Variants in TNFAIP8L3 observed in about 807,000 individuals in gnomAD.
TNFAIP8L3 encodes tumor necrosis factor alpha-induced protein 8-like protein 3.
A neutral mutation model predicts 11.8 loss-of-function variants in TNFAIP8L3; 7 were observed. The ratio of observed to expected loss-of-function variants is 0.59; its 90% CI spans 0.34 to 1.11. TNFAIP8L3 has a LOEUF of 1.11. Among genes scored for constraint, TNFAIP8L3 ranks in the 50% most tolerant of loss-of-function variants. The probability of loss-of-function intolerance (pLI) is 0.03; values close to 1 mark genes in which losing one functional copy is unlikely to be tolerated. For synonymous variants in TNFAIP8L3, 98 were observed against 103.8 expected (o/e 0.94, Z 0.34); for missense variants, 219 against 258.6 (o/e 0.85, Z 1.05).
chr15:51,077,727 C>T (rs1324037407), intron 1 of TNFAIP8L3, among the ~76,000 whole-genome samples: 1 of 152,240 alleles, frequency 6.6e-6, no homozygotes, highest in Non-Finnish European at 1.5e-5. Flanking sequence ...CCGACAGCTT[C>T]TCGCTTAATA....
Position 51,094,724 on chromosome 15 carries a change from G to A in TNFAIP8L3, c.-129C>T. On this transcript the variant is annotated 5_prime_UTR_variant, in exon 1 of 2. Transcript: ENST00000637513. This position sits in a 1 kb window ranked among gnomAD's most constrained non-coding sequence, Gnocchi z 4.4. ...GCGGCGCGGGCGGCGCGGGCTGGGCGGTGCGCGGCGGCAGCGGCCAGGGGG... is the reference window on the plus strand; with the variant it reads ...GCGGCGCGGGCGGCGCGGGCTGGGCAGTGCGCGGCGGCAGCGGCCAGGGGG... 1 of 985,484 alleles carries A rather than the reference G, an allele frequency of 1.0e-6. No individual in the cohort carries two copies. Among genetic ancestry groups the A allele is most frequent in the South Asian group, 4.5e-5 (1 of 22,078 alleles). The allele number at this position is 985,484 out of a possible 1,614,324, so 61.0% of individuals were successfully genotyped here. A position where few individuals can be genotyped will look rare whatever the true frequency, so the allele number is the denominator to read the frequency against.
At chr15:51,066,686 A>G (rs568365323) in intron 1 of TNFAIP8L3, among the ~76,000 whole-genome samples, 3 of 152,270 alleles carry the variant, frequency 2.0e-5, no homozygotes, top group South Asian at 4.2e-4. Context: ...GCGTGGTGGT[A>G]TGCAGGATGG....
At chr15:51,086,777 G>T (rs879321792) in intron 1 of TNFAIP8L3, among the ~76,000 whole-genome samples, 10 of 152,134 alleles carry the variant, frequency 6.6e-5, no homozygotes, top group Non-Finnish European at 1.5e-4. Context: ...ATTAATATAG[G>T]ATAAATAAAA....
rs188640550 is a variant in TNFAIP8L3 at position 51,103,183 on chromosome 15, G to A, written c.172+1822C>T. On this transcript the variant is annotated intron_variant, in intron 1 of 2. Coordinates refer to the TNFAIP8L3 transcript ENST00000327536. ...GTTCAAAGCAATCTGCCTGGTTGAA[G>A]CTATCAACCCTTCTAAAAGAGGAAT... 3.7e-3 allele frequency among the ~76,000 whole-genome samples: 556 copies of A among 152,278 alleles called. 14 individuals are homozygous for A. Among genetic ancestry groups the A allele is most frequent in the East Asian group, 3.9e-3 (20 of 5,180 alleles).
At chr15:51,104,492 A>C (rs1425530148) in intron 1 of TNFAIP8L3, among the ~76,000 whole-genome samples, 2 of 152,328 alleles carry the variant, frequency 1.3e-5, no homozygotes, top group African/African-American at 4.8e-5. Context: ...CATGTCCTGC[A>C]TCTGCGCCAT....
At chr15:51,078,994 C>G (rs1334135381) in intron 1 of TNFAIP8L3, among the ~76,000 whole-genome samples, 1 of 152,160 alleles carries the variant, frequency 6.6e-6, no homozygotes. Context: ...CAGCAGGCTT[C>G]GATGATGCTG....
At chr15:51,058,888 A>G (rs1212903248) in intron 1 of TNFAIP8L3, among the ~76,000 whole-genome samples, 1 of 152,254 alleles carries the variant, frequency 6.6e-6, no homozygotes, top group African/African-American at 2.4e-5. Context: ...CCCAGGGCAG[A>G]CATGGATAGT....
chr15:51,092,194 C>G (rs868834345), intron 1 of TNFAIP8L3, among the ~76,000 whole-genome samples: 7 of 152,224 alleles, frequency 4.6e-5, no homozygotes, highest in Non-Finnish European at 4.4e-5. Context: ...CCTTATGTCT[C>G]AACTCCCTGT....
In TNFAIP8L3 at chr15:51,085,431, G is replaced by C. The variant is rs546597895; in HGVS notation, c.52+9113C>G. Among the ~76,000 whole-genome samples the C allele has an allele frequency of 2.6e-5, 4 of 152,304 alleles. No homozygotes were observed. In the South Asian group the frequency reaches 8.3e-4, roughly 32 times the overall value. On this transcript the variant is annotated intron_variant, in intron 1 of 1. Coordinates refer to ENST00000637513, the MANE Select transcript of TNFAIP8L3 (RefSeq NM_001311175.2). Reference sequence around the variant, plus strand: ...GAGAAGTGGGCCTGACCCAAGGGAAGGAGGCCCCTGGGCAACGTGCTAGCG... The same window carrying C: ...GAGAAGTGGGCCTGACCCAAGGGAACGAGGCCCCTGGGCAACGTGCTAGCG...
chr15:51,095,377 AG>A (rs2065507160), upstream of TNFAIP8L3, among the ~76,000 whole-genome samples: 1 of 152,136 alleles, frequency 6.6e-6, no homozygotes, highest in African/African-American at 2.4e-5. Flanking sequence ...CTAGTGACGA[AG>A]TAAACACACA....
At chr15:51,101,024 G>A (rs187364729) in intron 1 of TNFAIP8L3, among the ~76,000 whole-genome samples, 8 of 152,360 alleles carry the variant, frequency 5.3e-5, no homozygotes, top group African/African-American at 1.9e-4. Context: ...ACTGGCAGAA[G>A]ATGGGCAGGT....
intron 1 of TNFAIP8L3, among the ~76,000 whole-genome samples, chr15:51,065,396 G>T (rs1197926581): frequency 6.6e-6 from 1 of 152,184 alleles, no homozygotes; most frequent in Non-Finnish European, 1.5e-5. Flanking sequence ...ATGATGTTCA[G>T]CCAGAGTACA....
At chr15:51,101,717 TG>T in intron 1 of TNFAIP8L3, among the ~76,000 whole-genome samples, 1 of 150,572 alleles carries the variant, frequency 6.6e-6, no homozygotes, top group African/African-American at 2.4e-5. Flanking sequence ...GAGGCCAAGG[TG>T]GGCGGATCAT....
chr15:51,094,611 C>G lies in TNFAIP8L3; in HGVS notation c.-16G>C, dbSNP rs755016536. On this transcript the variant is annotated 5_prime_UTR_variant, in exon 1 of 2. Coordinates refer to ENST00000637513, the MANE Select transcript of TNFAIP8L3 (RefSeq NM_001311175.2). This position sits in a 1 kb window ranked among gnomAD's most constrained non-coding sequence, Gnocchi z 4.4. ...CCGAATCCATGCTGCGGGCTGCTGG[C>G]TGGGCGTCCACGGCCACCCGCCCGT... 1.6e-5 allele frequency: 23 copies of G among 1,469,900 alleles called. No individual in the cohort carries two copies. Among genetic ancestry groups the G allele is most frequent in the Non-Finnish European group, 1.9e-5 (21 of 1,113,826 alleles). The allele number at this position is 1,469,900 out of a possible 1,614,324, so 91.1% of individuals were successfully genotyped here. A position where few individuals can be genotyped will look rare whatever the true frequency, so the allele number is the denominator to read the frequency against.
intron 1 of TNFAIP8L3, among the ~76,000 whole-genome samples, chr15:51,071,417 AT>A (rs138284679): frequency 4.6e-4 from 70 of 151,162 alleles, no homozygotes; most frequent in Admixed American, 9.9e-4. Context: ...CAGAAGTTGT[AT>A]TTTTTTTTCA....
At chr15:51,095,058 T>C (rs1471519518), upstream of TNFAIP8L3, among the ~76,000 whole-genome samples, 5 of 152,214 alleles carry the variant, frequency 3.3e-5, no homozygotes, top group Non-Finnish European at 4.4e-5. Context: ...GAGGCCAAGT[T>C]TGTAAAATTA....
intron 1 of TNFAIP8L3, among the ~76,000 whole-genome samples, chr15:51,084,273 T>C (rs1187173575): frequency 6.6e-6 from 1 of 152,216 alleles, no homozygotes; most frequent in Non-Finnish European, 1.5e-5. Flanking sequence ...TCTTTGACAA[T>C]GTTATAATGT....
intron 1 of TNFAIP8L3, among the ~76,000 whole-genome samples, chr15:51,061,464 G>C (rs866948662): frequency 9.9e-5 from 15 of 152,232 alleles, no homozygotes; most frequent in Middle Eastern, 3.4e-3. Context: ...TTTTAAATGT[G>C]TCCAATGTAA....
chr15:51,081,709 G>A (rs2065393595), intron 1 of TNFAIP8L3, among the ~76,000 whole-genome samples: 1 of 152,312 alleles, frequency 6.6e-6, no homozygotes, highest in East Asian at 1.9e-4. Flanking sequence ...GTGGAAACAG[G>A]CCTCCTCATC....
Sources: gnomAD v4.1 joint callset for allele counts (sites outside exome capture counted in the v4.1 genomes callset) on GRCh38, gnomAD v4.1.1 for gene constraint, Gnocchi (gnomAD v3.1) non-coding constraint, MANE v1.5 for transcripts, NCBI Gene and HGNC (gene_info 2026-07-23, HGNC 2026-07-21) for gene names.